The following ZFYVE16 variants were observed in gnomAD, a reference collection of about 807,000 sequenced individuals.
The protein encoded by ZFYVE16 is zinc finger FYVE-type containing 16, also known as zinc finger FYVE domain-containing protein 16.
A neutral mutation model predicts 138.1 loss-of-function variants in ZFYVE16; 89 were observed. The observed-to-expected ratio is 0.64, with a 90% CI of 0.54 to 0.77. ZFYVE16 has a LOEUF of 0.77. ZFYVE16 is among the 30% of genes least tolerant of loss of function. ZFYVE16 has a pLI of 0.00. For synonymous variants in ZFYVE16, 596 were observed against 618.3 expected (o/e 0.96, Z 0.53); for missense variants, 1,793 against 1,786.7 (o/e 1.00, Z -0.06).
At chr5:80,415,414 C>G (rs755466499) in intron 1 of ZFYVE16, among the ~76,000 whole-genome samples, 3 of 152,304 alleles carry the variant, frequency 2.0e-5, no homozygotes, top group Non-Finnish European at 2.9e-5. Flanking sequence ...GTTCCAGGAT[C>G]CCATCCAGGA....
intron 1 of ZFYVE16, among the ~76,000 whole-genome samples, chr5:80,415,465 CTTGA>C (rs754069522): frequency 6.6e-6 from 1 of 152,146 alleles, no homozygotes; most frequent in East Asian, 1.9e-4. Context: ...TTAGGCACCT[CTTGA>C]TTGTGATAGT....
chr5:80,417,244 C>T (rs1385388665), intron 1 of ZFYVE16, among the ~76,000 whole-genome samples: 1 of 152,140 alleles, frequency 6.6e-6, no homozygotes, highest in Non-Finnish European at 1.5e-5. Context: ...TTACATATTC[C>T]ACTCATTTCC....
chr5:80,418,265 C>T lies in ZFYVE16; in HGVS notation c.-93-9227C>T, dbSNP rs114008894. Among the ~76,000 whole-genome samples, 436 of 148,742 alleles carry T rather than the reference C, an allele frequency of 2.9e-3. 2 individuals carry two copies. Among genetic ancestry groups the T allele is most frequent in the African/African-American group, 0.01 (418 of 40,106 alleles). ...CCTCTCCTCTTTCCTTTCCCCTCCT[C>T]TTTGCTCTTTCTTTTCCCTTCCCCT... On this transcript the variant is annotated intron_variant, in intron 1 of 18. Transcript: ENST00000505560.
intron 10 of ZFYVE16, among the ~76,000 whole-genome samples, chr5:80,451,281 T>C (rs1458731610): frequency 6.6e-6 from 1 of 152,184 alleles, no homozygotes; most frequent in Non-Finnish European, 1.5e-5. Context: ...ACTGGGAGCT[T>C]TGTGTACAGA....
At chr5:80,457,647 C>T (rs1373370656) in intron 14 of ZFYVE16, among the ~76,000 whole-genome samples, 1 of 152,132 alleles carries the variant, frequency 6.6e-6, no homozygotes, top group Non-Finnish European at 1.5e-5. Flanking sequence ...AATAGTCCAA[C>T]ATTCTGGCTG....
intron 1 of ZFYVE16, among the ~76,000 whole-genome samples, chr5:80,412,460 A>T (rs1269317286): frequency 3.9e-5 from 6 of 152,204 alleles, no homozygotes; most frequent in African/African-American, 1.4e-4. Context: ...AAAAGTACAT[A>T]CTGATTGATT....
chr5:80,428,169 C>T (rs921295845), intron 2 of ZFYVE16, among the ~76,000 whole-genome samples: 1 of 151,998 alleles, frequency 6.6e-6, no homozygotes. Context: ...TCAAGTGGGT[C>T]CCTGACCCCC....
chr5:80,465,409 T>TTTTTTTTTTTTTTTTTTTTTTTTTTTTC, intron 15 of ZFYVE16, among the ~76,000 whole-genome samples: 1 of 112,020 alleles, frequency 8.9e-6, no homozygotes, highest in African/African-American at 3.2e-5. Context: ...TGTTTTTTTT[T>TTTTTTTTTTTTTTTTTTTTTTTTTTTTC]TTTTTTTTTT....
chr5:80,443,854 T>G, intron 6 of ZFYVE16: 1 of 456,238 alleles, frequency 2.2e-6, no homozygotes, highest in Non-Finnish European at 4.4e-6. Context: ...AATTGCACTT[T>G]CCAGACTTCC....
Position 80,421,727 on chromosome 5 carries a change from G to A in ZFYVE16, c.-93-5765G>A, listed in dbSNP as rs560677557. The stretch of plus-strand genomic sequence containing the variant: ...GTAGTATAGTTTGAAGTCAGGTAGC[G>A]TGATGCCTCCAGCTTTGTTCTTTTG... On this transcript the variant is annotated intron_variant, in intron 1 of 18. Transcript: ENST00000505560. Among the ~76,000 whole-genome samples the A allele has an allele frequency of 1.5e-3, 235 of 152,252 alleles. 3 individuals are homozygous for A. Among genetic ancestry groups the A allele is most frequent in the Non-Finnish European group, 2.0e-3 (136 of 68,026 alleles).
intron 7 of ZFYVE16, among the ~76,000 whole-genome samples, chr5:80,445,619 G>GGT (rs1751243201): frequency 1.3e-5 from 2 of 151,750 alleles, no homozygotes; most frequent in East Asian, 1.9e-4. Context: ...GGAGTGCAGT[G>GGT]GCATAATTAC....
chr5:80,475,456 CT>C (rs1431549576), intron 18 of ZFYVE16, among the ~76,000 whole-genome samples: 2 of 152,194 alleles, frequency 1.3e-5, no homozygotes, highest in African/African-American at 4.8e-5. Flanking sequence ...TTGGAAATAT[CT>C]TTCCTACTGT....
At chr5:80,475,588 G>C (rs1156502402) in intron 18 of ZFYVE16, among the ~76,000 whole-genome samples, 8 of 152,124 alleles carry the variant, frequency 5.3e-5, no homozygotes, top group Non-Finnish European at 7.4e-5. Flanking sequence ...AAGCAAATAA[G>C]TGTGTGTCCT....
At chr5:80,413,338 GCGCATGCCTGTAAT>G (rs1244863428) in intron 1 of ZFYVE16, among the ~76,000 whole-genome samples, 3 of 151,970 alleles carry the variant, frequency 2.0e-5, no homozygotes, top group South Asian at 2.1e-4. Flanking sequence ...AGGCATGGTG[GCGCATGCCTGTAAT>G]CCCAGCTACT....
In ZFYVE16 at chr5:80,479,363, A is replaced by G. The variant is rs6876363; in HGVS notation, c.*1986A>G. Reference sequence around the variant, plus strand: ...CCCATTTGTTTTATGCAGCTATTCAACAAACTTTGTGTGTTCGTATACTTG... The same window carrying G: ...CCCATTTGTTTTATGCAGCTATTCAGCAAACTTTGTGTGTTCGTATACTTG... On this transcript the variant is annotated 3_prime_UTR_variant, in exon 19 of 19. Transcript: ENST00000505560. The G allele has an allele frequency of 9.2e-5, 14 of 152,218 alleles. No homozygotes were observed. Among genetic ancestry groups the G allele is most frequent in the East Asian group, 3.8e-4 (2 of 5,200 alleles). The allele number at this position is 152,218 out of a possible 1,614,324, so 9.4% of individuals were successfully genotyped here.
At chr5:80,434,078 A>G in intron 2 of ZFYVE16, 31 bp from the exon 3 acceptor site, 1 of 1,412,572 alleles carries the variant, frequency 7.1e-7, no homozygotes, top group Non-Finnish European at 9.8e-7. Context: ...ATGTAATTAA[A>G]TGAAATATTA....
Position 80,477,524 on chromosome 5 carries a change from T to C in ZFYVE16, c.*147T>C. Reference sequence around the variant, plus strand: ...TTGCTCTTTAGGCAGGAATGATCTTTTCAAATCATTAGCACAATATTTAAA... The same window carrying C: ...TTGCTCTTTAGGCAGGAATGATCTTCTCAAATCATTAGCACAATATTTAAA... On this transcript the variant is annotated 3_prime_UTR_variant, in exon 19 of 19. Coordinates refer to ENST00000505560, the MANE Select transcript of ZFYVE16 (RefSeq NM_001284236.3). 1.7e-6 allele frequency: 1 copy of C among 605,732 alleles called. No homozygotes were observed. Among genetic ancestry groups the C allele is most frequent in the Non-Finnish European group, 2.5e-6 (1 of 396,672 alleles). 37.5% of individuals were successfully genotyped at this position (605,732 alleles called of 1,614,324 possible). A position where few individuals can be genotyped will look rare whatever the true frequency, so the allele number is the denominator to read the frequency against.
At chr5:80,443,971 A>G (rs74326369) in intron 6 of ZFYVE16, 3,759 of 355,430 alleles carry the variant, frequency 0.011, 128 homozygotes, top group African/African-American at 0.072. Flanking sequence ...TTAATTGTGT[A>G]TTTTACCACA....
chr5:80,435,487 A>G (rs986354222), intron 3 of ZFYVE16, among the ~76,000 whole-genome samples: 2 of 152,188 alleles, frequency 1.3e-5, no homozygotes, highest in Admixed American at 6.5e-5. Flanking sequence ...CTTTAAAACG[A>G]AGACTAGGAA....
Sources: allele counts gnomAD v4.1 joint callset (sites outside exome capture counted in the v4.1 genomes callset), GRCh38; gene constraint gnomAD v4.1.1; transcripts MANE v1.5; gene names NCBI Gene and HGNC (gene_info 2026-07-23, HGNC 2026-07-21).